Variants in RFX3 observed in about 807,000 individuals in gnomAD.
RFX3 encodes regulatory factor X3.
Under a neutral mutation model 98.6 loss-of-function variants are expected in RFX3, and 14 were observed. That is an observed-to-expected ratio of 0.14 (90% confidence interval 0.09 to 0.22). RFX3 has a LOEUF of 0.22. RFX3 is among the 10% of genes least tolerant of loss of function. The probability of loss-of-function intolerance (pLI) is 1.00; values close to 1 mark genes in which losing one functional copy is unlikely to be tolerated. For synonymous variants in RFX3, 383 were observed against 328.4 expected, an observed-to-expected ratio of 1.17 and a Z score of -1.80; for missense variants, 639 against 926.9, an observed-to-expected ratio of 0.69 and a Z score of 4.03.
intron 1 of RFX3, chr9:3,420,733 A>C (rs1483383984): frequency 2.1e-6 from 2 of 947,782 alleles, no homozygotes; most frequent in African/African-American, 3.6e-5. Context: ...AAACCCCTGT[A>C]TCCTTCCATA....
intron 14 of RFX3, 141 bp from the exon 15 acceptor site, chr9:3,248,326 T>C (rs1820949044): frequency 2.9e-6 from 3 of 1,046,440 alleles, no homozygotes; most frequent in Non-Finnish European, 1.3e-6. Flanking sequence ...AAGCATTTCA[T>C]TATTGAACGC....
chr9:3,426,904 AC>A (rs1438097101), intron 1 of RFX3, among the ~76,000 whole-genome samples: 2 of 151,832 alleles, frequency 1.3e-5, no homozygotes, highest in East Asian at 3.9e-4. Flanking sequence ...TCATTCCTCC[AC>A]CCCCTAGTCC....
chr9:3,424,052 C>A (rs1843717839), intron 1 of RFX3, among the ~76,000 whole-genome samples: 1 of 150,814 alleles, frequency 6.6e-6, no homozygotes, highest in African/African-American at 2.4e-5. Context: ...GAGGCTGAGG[C>A]AGGAGAATGA....
At chr9:3,376,584 T>C (rs577609396) in intron 2 of RFX3, among the ~76,000 whole-genome samples, 4 of 152,166 alleles carry the variant, frequency 2.6e-5, no homozygotes, top group South Asian at 2.1e-4. Context: ...AAAGCCAAAA[T>C]TGACAAATGG....
chr9:3,473,181 A>G lies in RFX3; in HGVS notation c.-9+52566T>C, dbSNP rs117549633. Among the ~76,000 whole-genome samples the G allele has an allele frequency of 1.3e-4, 20 of 152,308 alleles. No homozygotes were observed. The Middle Eastern group carries it at 0.01, about 78-fold the overall frequency. ...TCTCCACACATAATTGGATTTCCCA[A>G]ATCAAAGTAGGCACTATAAGCCAGG... On this transcript the variant is annotated intron_variant, in intron 1 of 16. Coordinates refer to ENST00000617270, the MANE Select transcript of RFX3 (RefSeq NM_001282116.2).
intron 5 of RFX3, among the ~76,000 whole-genome samples, chr9:3,297,795 G>A (rs752927616): frequency 6.6e-5 from 10 of 151,816 alleles, no homozygotes; most frequent in Non-Finnish European, 1.3e-4. Context: ...TAAAATAGAC[G>A]GCTAGAGCTT....
At chr9:3,458,160 A>G (rs972924811) in intron 1 of RFX3, among the ~76,000 whole-genome samples, 11 of 152,182 alleles carry the variant, frequency 7.2e-5, no homozygotes, top group African/African-American at 2.7e-4. Context: ...AGGTGCATGA[A>G]GTGTAATTCC....
At chr9:3,395,386 G>C in intron 2 of RFX3, 86 bp downstream of exon 2, 1 of 1,480,444 alleles carries the variant, frequency 6.8e-7, no homozygotes, top group Non-Finnish European at 9.3e-7. Flanking sequence ...AGACAGTAAA[G>C]TTCAAATAAT....
At chr9:3,491,886 A>T (rs1485405614) in intron 1 of RFX3, among the ~76,000 whole-genome samples, 1 of 152,196 alleles carries the variant, frequency 6.6e-6, no homozygotes, top group African/African-American at 2.4e-5. Flanking sequence ...TACAAAAATT[A>T]AATATATAAT....
intron 5 of RFX3, among the ~76,000 whole-genome samples, chr9:3,298,164 T>C (rs921148203): frequency 5.9e-5 from 9 of 151,806 alleles, no homozygotes; most frequent in African/African-American, 2.2e-4. Context: ...CATTCTAAAA[T>C]ACCAGGAGAA....
rs552473727 is a variant in RFX3, at chr9:3,271,950, T to C, written c.1087-832A>G. On this transcript the variant is annotated intron_variant, in intron 9 of 16. Transcript: ENST00000617270. ...CTCCTTTACGGAACAACCTTAAGAC[T>C]ATCTCCTTTTCAAATCTCGGGGGCC... 1.1e-4 allele frequency among the ~76,000 whole-genome samples: 17 copies of C among 152,192 alleles called. No individual in the cohort carries two copies. In the East Asian group the frequency reaches 2.1e-3, roughly 19 times the overall value.
intron 4 of RFX3, among the ~76,000 whole-genome samples, chr9:3,310,998 T>C (rs943519537): frequency 1.3e-5 from 2 of 152,182 alleles, no homozygotes; most frequent in African/African-American, 4.8e-5. Flanking sequence ...ATGAAGTTAC[T>C]AGGCAATAAA....
chr9:3,370,572 C>G (rs548716643), intron 2 of RFX3, among the ~76,000 whole-genome samples: 1 of 151,704 alleles, frequency 6.6e-6, no homozygotes, highest in Non-Finnish European at 1.5e-5. Context: ...GAGATTGGGA[C>G]GAGCCAGAGG....
At chr9:3,294,438 G>C (rs1827757468) in intron 5 of RFX3, among the ~76,000 whole-genome samples, 1 of 152,028 alleles carries the variant, frequency 6.6e-6, no homozygotes, top group African/African-American at 2.4e-5. Context: ...CAAGTAATGT[G>C]CCAGGCATCT....
intron 2 of RFX3, among the ~76,000 whole-genome samples, chr9:3,378,955 T>A (rs1380826364): frequency 6.6e-6 from 1 of 152,186 alleles, no homozygotes; most frequent in African/African-American, 2.4e-5. Flanking sequence ...ATTCAGAAAT[T>A]ATAGTTTAAA....
At chr9:3,515,251 T>C (rs1035980697) in intron 1 of RFX3, among the ~76,000 whole-genome samples, 3 of 152,142 alleles carry the variant, frequency 2.0e-5, no homozygotes, top group Non-Finnish European at 4.4e-5. Flanking sequence ...AAAATTCAGG[T>C]TCCTTAAAAA....
rs573597896 is a variant in RFX3 at position 3,483,805 on chromosome 9, T to A, written c.-9+41942A>T. Reference sequence around the variant, plus strand: ...CTGGGTTTGAGTCTGATTTTATACATGCATTACCTGAGTAAATTACTTGAT... The same window carrying A: ...CTGGGTTTGAGTCTGATTTTATACAAGCATTACCTGAGTAAATTACTTGAT... On this transcript the variant is annotated intron_variant, in intron 1 of 16. Coordinates refer to ENST00000617270, the MANE Select transcript of RFX3 (RefSeq NM_001282116.2). Among the ~76,000 whole-genome samples, 4 of 152,322 alleles carry A rather than the reference T, an allele frequency of 2.6e-5. No individual in the cohort carries two copies. The East Asian group carries it at 5.8e-4, about 22-fold the overall frequency.
intron 14 of RFX3, among the ~76,000 whole-genome samples, 154 bp downstream of exon 14, chr9:3,256,837 C>G (rs771798903): frequency 2.0e-5 from 3 of 152,158 alleles, no homozygotes; most frequent in Non-Finnish European, 4.4e-5. Flanking sequence ...GTTGTAATCA[C>G]TGAGTTGGGT....
chr9:3,465,816 A>G lies in RFX3; in HGVS notation c.-9+59931T>C, dbSNP rs1180408545. Reference sequence around the variant, plus strand: ...AGATAGTAAGTATTGCTATGGTGAAAAAAAGAAAAAGCAAAAGTGGACTCA... The same window carrying G: ...AGATAGTAAGTATTGCTATGGTGAAGAAAAGAAAAAGCAAAAGTGGACTCA... On this transcript the variant is annotated intron_variant, in intron 1 of 16. Transcript: ENST00000617270. 3.9e-5 allele frequency among the ~76,000 whole-genome samples: 6 copies of G among 152,290 alleles called. No homozygotes were observed. In the East Asian group the frequency reaches 1.2e-3, roughly 29 times the overall value.
Sources: gnomAD v4.1 joint callset for allele counts (sites outside exome capture counted in the v4.1 genomes callset) on GRCh38, gnomAD v4.1.1 for gene constraint, MANE v1.5 for transcripts, NCBI Gene and HGNC (gene_info 2026-07-23, HGNC 2026-07-21) for gene names.